UMODL1: variants seen among roughly 807,000 people sequenced by gnomAD.
UMODL1 encodes uromodulin like 1.
UMODL1 carries 128 observed loss-of-function variants against 136.3 expected under a neutral mutation model. The observed-to-expected ratio is 0.94, with a 90% CI of 0.81 to 1.09. UMODL1 has a LOEUF of 1.09. Among genes scored for constraint, UMODL1 ranks in the 50% least tolerant of loss-of-function variants. The pLI, the probability that UMODL1 is intolerant of heterozygous loss-of-function variation, is 0.00. For missense variants in UMODL1, 1,766 were observed against 1,725.6 expected, an observed-to-expected ratio of 1.02 and a Z score of -0.41; for synonymous variants, 721 against 720.0, an observed-to-expected ratio of 1.00 and a Z score of -0.02.
rs1200564442 is a variant in UMODL1, at chr21:42,122,206, G to A, written c.2828-625G>A. Among the ~76,000 whole-genome samples, 5 of 152,292 alleles carry A rather than the reference G, an allele frequency of 3.3e-5. No individual in the cohort carries two copies. The East Asian group carries it at 5.8e-4, about 18-fold the overall frequency. On this transcript the variant is annotated intron_variant, in intron 16 of 22. Transcript: ENST00000408910. The surrounding 1 kb of genome is among the most constrained non-coding windows in gnomAD (Gnocchi z 4.3). ...CTGAAGGAGGGTGGAGGGCACGTGC[G>A]GAGCTGTGTCTGGGGTCTGCTTCCA... is the stretch of plus-strand genomic sequence containing the variant.
intron 6 of UMODL1, among the ~76,000 whole-genome samples, chr21:42,091,897 C>T (rs1303623273): frequency 6.6e-6 from 1 of 152,212 alleles, no homozygotes; most frequent in East Asian, 1.9e-4. Context: ...GGGAAGAGGC[C>T]TGGGGCCTGT....
chr21:42,122,931 C>G lies in UMODL1; in HGVS notation c.2928C>G (p.Pro976=), dbSNP rs371414815. ...TTGTGCAAGGCACCAGCCCCACCCC[C>G]CAAGGCCTGCCCCAGCGGCTGAACC... ...AAFVQGTSPT[P]QGLPQRLNLT... is the part of the protein sequence containing the mutation. The change falls in exon 17 of 23, where the codon CCC becomes CCG. Residue 976 remains proline, a synonymous_variant. Coordinates refer to ENST00000408910, the MANE Select transcript of UMODL1 (RefSeq NM_001004416.3). The surrounding 1 kb of genome is among the most constrained non-coding windows in gnomAD (Gnocchi z 4.3). The G allele has an allele frequency of 7.2e-5, 116 of 1,613,866 alleles. No homozygotes were observed. The highest frequency in any genetic ancestry group is 1.6e-4 in the Middle Eastern group (1 of 6,084).
intron 13 of UMODL1, among the ~76,000 whole-genome samples, chr21:42,114,096 G>A (rs745410516): frequency 2.6e-5 from 4 of 152,242 alleles, no homozygotes; most frequent in African/African-American, 4.8e-5. Flanking sequence ...CTGCGGGTGC[G>A]GCTCACCCAT....
intron 19 of UMODL1, 33 bp downstream of exon 19, chr21:42,127,275 G>C: frequency 6.4e-7 from 1 of 1,573,732 alleles, no homozygotes; most frequent in Non-Finnish European, 8.7e-7. Flanking sequence ...CCCCCATCCA[G>C]CAATGCCTGG....
Position 42,137,598 on chromosome 21 carries a change from G to C in UMODL1, c.3935G>C (p.Ser1312Thr), listed in dbSNP as rs780037284. 66 of 1,614,014 alleles carry C rather than the reference G, an allele frequency of 4.1e-5. 1 individual carries two copies. In the South Asian group the frequency reaches 6.8e-4, roughly 17 times the overall value. ...TTTAAAATCCAGTCCAACAACTTCAGCTACCAGGTGTTCTACGAATAGGAG... is the reference window on the plus strand; with the variant it reads ...TTTAAAATCCAGTCCAACAACTTCACCTACCAGGTGTTCTACGAATAGGAG... ...YNFKIQSNNF[S>T]YQVFYE The change falls in exon 22 of 23, where the codon AGC becomes ACC. Residue 1312 changes from serine to threonine, a missense_variant. Physicochemically the swap from Ser to Thr is moderately conservative, Grantham distance 58. Coordinates refer to ENST00000408910, the MANE Select transcript of UMODL1 (RefSeq NM_001004416.3).
chr21:42,111,822 C>A, intron 12 of UMODL1, 112 bp downstream of exon 12: 2 of 1,113,536 alleles, frequency 1.8e-6, no homozygotes, highest in Admixed American at 2.8e-5. Context: ...TAGCAATGCT[C>A]AGGCGGCATC....
intron 1 of UMODL1, among the ~76,000 whole-genome samples, chr21:42,073,042 G>A (rs61240873): frequency 0.027 from 4,125 of 152,322 alleles, 188 homozygotes; most frequent in African/African-American, 0.093. Context: ...GTGTGTGTGT[G>A]TGCGTGTGCG....
chr21:42,122,221 G>T lies in UMODL1; in HGVS notation c.2828-610G>T, dbSNP rs1390974932. ...GGGCACGTGCGGAGCTGTGTCTGGG[G>T]TCTGCTTCCATATAGACCACCCCGA... On this transcript the variant is annotated intron_variant, in intron 16 of 22. Transcript: ENST00000408910. This position sits in a 1 kb window ranked among gnomAD's most constrained non-coding sequence, Gnocchi z 4.3. Among the ~76,000 whole-genome samples the T allele has an allele frequency of 2.0e-5, 3 of 152,166 alleles. No individual in the cohort carries two copies. The highest frequency in any genetic ancestry group is 4.4e-5 in the Non-Finnish European group (3 of 68,024).
intron 2 of UMODL1, among the ~76,000 whole-genome samples, chr21:42,080,541 A>C (rs2066350285): frequency 6.6e-6 from 1 of 152,222 alleles, no homozygotes; most frequent in Admixed American, 6.5e-5. Flanking sequence ...ACGTGATATG[A>C]CTTTCAGTGA....
chr21:42,071,312 G>A (rs956609575), upstream of UMODL1: 14 of 1,579,118 alleles, frequency 8.9e-6, no homozygotes, highest in African/African-American at 2.7e-5. Context: ...CACCACTGCC[G>A]GACGATGCTC....
chr21:42,121,368 C>CGTAT, intron 16 of UMODL1, 144 bp downstream of exon 16: 4 of 712,788 alleles, frequency 5.6e-6, no homozygotes, highest in Non-Finnish European at 9.1e-6. Flanking sequence ...TGTGGGTGCA[C>CGTAT]GTGTGTGTGT....
chr21:42,104,099 C>G lies in UMODL1; in HGVS notation c.1519+12C>G. ...GACACGCGTGCAAGGTATGGCCCAG[C>G]CACCCGCCCTGCTGCCTGGTGTCCT... is the stretch of plus-strand genomic sequence containing the variant. On this transcript the variant is annotated intron_variant, in intron 9 of 22. Transcript: ENST00000408910. 6.3e-7 allele frequency: 1 copy of G among 1,596,978 alleles called. No homozygotes were observed. Among genetic ancestry groups the G allele is most frequent in the East Asian group, 2.2e-5 (1 of 44,504 alleles).
chr21:42,140,466 G>A (rs943629028), intron 22 of UMODL1, among the ~76,000 whole-genome samples: 1 of 152,086 alleles, frequency 6.6e-6, no homozygotes, highest in Non-Finnish European at 1.5e-5. Context: ...GGAGGTGGCC[G>A]AGCTGGGGCT....
At position 42,088,288 on chromosome 21, in the gene UMODL1, T is replaced by A; in HGVS notation, c.604-6T>A. 1 of 1,609,560 alleles carries A rather than the reference T, an allele frequency of 6.2e-7. No homozygotes were observed. Among genetic ancestry groups the A allele is most frequent in the Non-Finnish European group, 8.5e-7 (1 of 1,176,778 alleles). On this transcript the variant is annotated splice_region_variant and splice_polypyrimidine_tract_variant and intron_variant, in intron 4 of 22. Transcript: ENST00000408910. ...GCTGTGTGACACTCTGATTCTGCCT[T>A]CACAGGTCACCAGCGCCCTGCAACC...
chr21:42,118,985 G>A, intron 14 of UMODL1, 126 bp from the exon 15 acceptor site: 4 of 915,696 alleles, frequency 4.4e-6, no homozygotes, highest in Non-Finnish European at 6.5e-6. Flanking sequence ...GAACCAACCT[G>A]TGGCTTTTAC....
intron 12 of UMODL1, 137 bp downstream of exon 12, chr21:42,111,847 G>A (rs2066836895): frequency 2.1e-6 from 2 of 954,842 alleles, no homozygotes; most frequent in South Asian, 1.8e-5. Flanking sequence ...TCTTGTGCGT[G>A]TGGAAACGGA....
chr21:42,111,355 G>C, intron 11 of UMODL1, 151 bp from the exon 12 acceptor site: 2 of 1,610,044 alleles, frequency 1.2e-6, no homozygotes, highest in Non-Finnish European at 1.7e-6. Flanking sequence ...CCAGCCAGGA[G>C]AGCCCCAGCC....
At chr21:42,119,421 G>A in intron 15 of UMODL1, 97 bp downstream of exon 15, 1 of 1,096,530 alleles carries the variant, frequency 9.1e-7, no homozygotes, top group South Asian at 1.4e-5. Flanking sequence ...GTCGTGTTGT[G>A]CCCATGTGGT....
chr21:42,090,450 G>C lies in UMODL1; in HGVS notation c.931+12G>C. Reference sequence around the variant, plus strand: ...CCTGGAGTGGGAAGGTAATGGCTAGGCTCTCTCAGATGGCATGGGAATGGC... The same window carrying C: ...CCTGGAGTGGGAAGGTAATGGCTAGCCTCTCTCAGATGGCATGGGAATGGC... On this transcript the variant is annotated intron_variant, in intron 6 of 22. Transcript: ENST00000408910. 6.2e-7 allele frequency: 1 copy of C among 1,613,310 alleles called. No individual in the cohort carries two copies. The highest frequency in any genetic ancestry group is 8.5e-7 in the Non-Finnish European group (1 of 1,179,768).
Sources: allele counts gnomAD v4.1 joint callset (sites outside exome capture counted in the v4.1 genomes callset), GRCh38; gene constraint gnomAD v4.1.1; non-coding constraint Gnocchi (gnomAD v3.1); transcripts MANE v1.5; gene names NCBI Gene and HGNC (gene_info 2026-07-23, HGNC 2026-07-21).